ATP2B4: variants seen among roughly 807,000 people sequenced by gnomAD.
ATP2B4 encodes ATPase plasma membrane Ca2+ transporting 4.
ATP2B4 carries 39 observed loss-of-function variants against 110.3 expected under a neutral mutation model. The ratio of observed to expected loss-of-function variants is 0.35; its 90% CI spans 0.27 to 0.46. The LOEUF is 0.46. Among genes scored for constraint, ATP2B4 ranks in the 20% least tolerant of loss-of-function variants. The pLI is 1.00. For missense variants in ATP2B4, 1,135 were observed against 1,530.9 expected (o/e 0.74, Z 4.32); for synonymous variants, 538 against 571.7 (o/e 0.94, Z 0.84).
chr1:203,720,192 G>A (rs1350683643), intron 15 of ATP2B4, among the ~76,000 whole-genome samples: 1 of 152,170 alleles, frequency 6.6e-6, no homozygotes, highest in Non-Finnish European at 1.5e-5. Flanking sequence ...GAATAACATG[G>A]GCTTAAGTGA....
rs144618654 is a variant in ATP2B4 at position 203,650,982 on chromosome 1, C to G, written c.-465+23763C>G. On this transcript the variant is annotated intron_variant, in intron 1 of 20. Coordinates refer to ENST00000357681, the MANE Select transcript of ATP2B4 (RefSeq NM_001684.5). ...AGAGATGGGGTCTCACTGTGTTGCC[C>G]AGGCTGCTCTCTTAATTCCTGGGCT... Among the ~76,000 whole-genome samples the G allele has an allele frequency of 7.4e-3, 1,122 of 152,176 alleles. 17 individuals carry two copies. Among genetic ancestry groups the G allele is most frequent in the African/African-American group, 0.023 (948 of 41,512 alleles).
chr1:203,728,423 A>AT (rs1178118141), intron 20 of ATP2B4: 4 of 232,154 alleles, frequency 1.7e-5, no homozygotes, highest in Admixed American at 1.6e-4. Flanking sequence ...TAATCCTGAG[A>AT]TTTTCCATTT....
At position 203,644,219 on chromosome 1, in the gene ATP2B4, C is replaced by T. The variant is rs147380044; in HGVS notation, c.-465+17000C>T. On this transcript the variant is annotated intron_variant, in intron 1 of 20. Transcript: ENST00000357681. ...AAGCCGAGATCATGCCATGGCACTCCAGCCTGGGCAGCAGAGCAAGACTCC... is the reference window on the plus strand; with the variant it reads ...AAGCCGAGATCATGCCATGGCACTCTAGCCTGGGCAGCAGAGCAAGACTCC... 1.9e-3 allele frequency among the ~76,000 whole-genome samples: 287 copies of T among 148,486 alleles called. 1 individual carries two copies. Among genetic ancestry groups the T allele is most frequent in the African/African-American group, 6.9e-3 (274 of 39,970 alleles).
chr1:203,728,388 C>G, intron 20 of ATP2B4: 1 of 297,442 alleles, frequency 3.4e-6, no homozygotes, highest in Non-Finnish European at 6.7e-6. Flanking sequence ...TTCCCCTGCT[C>G]TCACCCCCCA....
chr1:203,727,305 A>G (rs1666553337), intron 19 of ATP2B4, 90 bp from the exon 20 acceptor site: 2 of 1,478,208 alleles, frequency 1.4e-6, no homozygotes, highest in Non-Finnish European at 1.8e-6. Flanking sequence ...GCAAAGAGTA[A>G]CCTGCCCAAG....
intron 1 of ATP2B4, among the ~76,000 whole-genome samples, chr1:203,628,356 G>C (rs1017559181): frequency 6.6e-6 from 1 of 152,172 alleles, no homozygotes; most frequent in East Asian, 1.9e-4. Context: ...TGCAGGAGTG[G>C]CCAGCCGCAT....
At chr1:203,727,294 G>A in intron 19 of ATP2B4, 101 bp from the exon 20 acceptor site, 1 of 1,391,946 alleles carries the variant, frequency 7.2e-7, no homozygotes, top group Non-Finnish European at 9.8e-7. Context: ...AGGGTGGTAG[G>A]GCAAAGAGTA....
At chr1:203,699,389 G>T in intron 3 of ATP2B4, 71 bp from the exon 4 acceptor site, 1 of 1,573,926 alleles carries the variant, frequency 6.4e-7, no homozygotes, top group Admixed American at 1.8e-5. Context: ...GGTGATTGTG[G>T]AAGCACTACT....
intron 1 of ATP2B4, among the ~76,000 whole-genome samples, chr1:203,638,006 A>AG (rs1663509285): frequency 6.6e-6 from 1 of 152,164 alleles, no homozygotes; most frequent in African/African-American, 2.4e-5. Context: ...TGGGGGCTGA[A>AG]GGGGTCTTAG....
rs1344077552 is a variant in ATP2B4 at position 203,742,517 on chromosome 1, G to A, written c.*2663G>A. 6.6e-6 allele frequency: 1 copy of A among 152,568 alleles called. No individual in the cohort carries two copies. The highest frequency in any genetic ancestry group is 1.5e-5 in the Non-Finnish European group (1 of 68,030). 9.5% of individuals were successfully genotyped at this position (152,568 alleles called of 1,614,324 possible). On this transcript the variant is annotated 3_prime_UTR_variant, in exon 21 of 21. Transcript: ENST00000357681. ...GCTTTGGATTTGAAAAGGGTCTGAT[G>A]GGGAGAAGGAGAACGTATCATCCTA...
At chr1:203,645,467 G>T (rs11240648) in intron 1 of ATP2B4, among the ~76,000 whole-genome samples, 49,906 of 151,390 alleles carry the variant, frequency 0.33, 10,236 homozygotes, top group African/African-American at 0.57. Context: ...TTTGTGAGGG[G>T]TTTTTTTATT....
At chr1:203,689,522 G>T (rs1238826564) in intron 2 of ATP2B4, among the ~76,000 whole-genome samples, 1 of 152,192 alleles carries the variant, frequency 6.6e-6, no homozygotes, top group African/African-American at 2.4e-5. Context: ...GGCTATTTTG[G>T]TTGAATTTGG....
chr1:203,633,982 G>A (rs903699868), intron 1 of ATP2B4, among the ~76,000 whole-genome samples: 9 of 152,052 alleles, frequency 5.9e-5, no homozygotes, highest in South Asian at 2.1e-4. Flanking sequence ...CCTGGGAGGC[G>A]GAGGTTGCAG....
intron 20 of ATP2B4, among the ~76,000 whole-genome samples, chr1:203,731,046 A>G (rs1445570828): frequency 1.3e-5 from 2 of 152,196 alleles, no homozygotes; most frequent in East Asian, 3.9e-4. Context: ...CTTAGAGACT[A>G]GAATTGTGGA....
intron 2 of ATP2B4, among the ~76,000 whole-genome samples, chr1:203,697,609 A>C (rs1231316812): frequency 6.6e-6 from 1 of 152,224 alleles, no homozygotes; most frequent in Non-Finnish European, 1.5e-5. Context: ...TTTTAGACTG[A>C]AAGTTCCACC....
In ATP2B4 at chr1:203,684,704, A is replaced by G. The variant is rs867225713; in HGVS notation, c.193+1306A>G. ...AAAAAGAAAAAAAAAAGGAAATGGG[A>G]TGCTAAATCACAAGGTATATAACTG... On this transcript the variant is annotated intron_variant, in intron 2 of 20. Transcript: ENST00000357681. Among the ~76,000 whole-genome samples, 7 of 152,064 alleles carry G rather than the reference A, an allele frequency of 4.6e-5. No individual in the cohort carries two copies. In the South Asian group the frequency reaches 1.0e-3, roughly 23 times the overall value.
At chr1:203,628,300 C>T (rs1040042595) in intron 1 of ATP2B4, among the ~76,000 whole-genome samples, 1 of 151,830 alleles carries the variant, frequency 6.6e-6, no homozygotes, top group Admixed American at 6.6e-5. Flanking sequence ...CACTCCTCCA[C>T]CTCCCTGAGG....
chr1:203,673,010 T>C (rs1358055511), intron 1 of ATP2B4, among the ~76,000 whole-genome samples: 1 of 152,022 alleles, frequency 6.6e-6, no homozygotes, highest in Non-Finnish European at 1.5e-5. Flanking sequence ...GAAGCAGAGA[T>C]CAGCAACCTG....
At chr1:203,691,811 C>G (rs1665385034) in intron 2 of ATP2B4, among the ~76,000 whole-genome samples, 1 of 152,134 alleles carries the variant, frequency 6.6e-6, no homozygotes, top group Non-Finnish European at 1.5e-5. Flanking sequence ...TTGCATGGCC[C>G]TATTTTGATT....
Sources: gnomAD v4.1 joint callset for allele counts (sites outside exome capture counted in the v4.1 genomes callset) on GRCh38, gnomAD v4.1.1 for gene constraint, MANE v1.5 for transcripts, NCBI Gene and HGNC (gene_info 2026-07-23, HGNC 2026-07-21) for gene names.